TUSC3: variants seen among roughly 807,000 people sequenced by gnomAD.
TUSC3 encodes the protein tumor suppressor candidate 3, also known as dolichyl-diphosphooligosaccharide--protein glycosyltransferase subunit TUSC3.
A neutral mutation model predicts 44.8 loss-of-function variants in TUSC3; 45 were observed. That is an observed-to-expected ratio of 1.00 (90% confidence interval 0.79 to 1.29). TUSC3 has a LOEUF of 1.29. Among genes scored for constraint, TUSC3 ranks in the 50% most tolerant of loss-of-function variants. The pLI is 0.00. For missense variants in TUSC3, 519 were observed against 437.9 expected, an observed-to-expected ratio of 1.19 and a Z score of -1.65; for synonymous variants, 212 against 152.9, an observed-to-expected ratio of 1.39 and a Z score of -2.85.
chr8:15,477,310 A>G (rs545022125), intron 1 of TUSC3, among the ~76,000 whole-genome samples: 4 of 152,170 alleles, frequency 2.6e-5, no homozygotes, highest in Admixed American at 6.6e-5. Context: ...ATAGAGTCTC[A>G]AGAAACTTTG....
chr8:15,517,532 A>AAAAAAC (rs1801235254), intron 2 of TUSC3, among the ~76,000 whole-genome samples: 1 of 61,744 alleles, frequency 1.6e-5, no homozygotes, highest in Non-Finnish European at 5.8e-5. Flanking sequence ...CAAAAAAAAA[A>AAAAAAC]AAAAAAAAAA....
chr8:15,797,313 A>G, the TUSC3 span, among the ~76,000 whole-genome samples: 2 of 152,196 alleles, frequency 1.3e-5, no homozygotes, highest in Non-Finnish European at 2.9e-5. Context: ...TCTGTCTCCA[A>G]TTCCTAAAGA....
At chr8:15,786,887 T>A in the TUSC3 span, among the ~76,000 whole-genome samples, 18 of 134,416 alleles carry the variant, frequency 1.3e-4, no homozygotes, top group Non-Finnish European at 2.0e-4. Context: ...GAGGTTGCAG[T>A]GAGCCGAGAT....
At chr8:15,637,335 A>G (rs1256297820) in intron 2 of TUSC3, among the ~76,000 whole-genome samples, 1 of 152,170 alleles carries the variant, frequency 6.6e-6, no homozygotes, top group Non-Finnish European at 1.5e-5. Flanking sequence ...AAGACTTTGT[A>G]ATACAGACTT....
intron 1 of TUSC3, among the ~76,000 whole-genome samples, chr8:15,607,785 G>T (rs1804596467): frequency 6.6e-6 from 1 of 152,028 alleles, no homozygotes; most frequent in Non-Finnish European, 1.5e-5. Context: ...GCAGCACTGT[G>T]TTTCAGTTAA....
the TUSC3 span, among the ~76,000 whole-genome samples, chr8:15,784,191 A>T: frequency 2.6e-5 from 4 of 152,284 alleles, no homozygotes; most frequent in South Asian, 4.1e-4. Context: ...AAACAATGAA[A>T]AAGTAAGTGA....
intron 1 of TUSC3, among the ~76,000 whole-genome samples, chr8:15,601,317 G>A (rs749439157): frequency 2.0e-5 from 3 of 151,590 alleles, no homozygotes; most frequent in Non-Finnish European, 3.0e-5. Context: ...TCCTCAAACT[G>A]TTCTGTGACC....
intron 10 of TUSC3, among the ~76,000 whole-genome samples, chr8:15,759,872 C>T (rs1184347802): frequency 1.3e-5 from 2 of 152,098 alleles, no homozygotes; most frequent in Non-Finnish European, 1.5e-5. Context: ...CACCCCTTTT[C>T]CCCGACACTG....
intron 6 of TUSC3, among the ~76,000 whole-genome samples, chr8:15,701,160 C>G (rs991602375): frequency 6.6e-6 from 1 of 152,034 alleles, no homozygotes; most frequent in African/African-American, 2.4e-5. Context: ...ATACACAGAT[C>G]TTAAATGCCT....
chr8:15,433,185 T>C (rs1799898404), intron 1 of TUSC3, among the ~76,000 whole-genome samples: 1 of 152,140 alleles, frequency 6.6e-6, no homozygotes, highest in Middle Eastern at 3.2e-3. Context: ...GGTACCCAAG[T>C]AACTTCTTTC....
At chr8:15,672,594 T>A (rs1385987954) in intron 5 of TUSC3, among the ~76,000 whole-genome samples, 1 of 152,060 alleles carries the variant, frequency 6.6e-6, no homozygotes, top group Non-Finnish European at 1.5e-5. Context: ...CTAGGCAAGG[T>A]ACTTTAAACA....
chr8:15,829,287 G>T, the TUSC3 span, among the ~76,000 whole-genome samples: 1 of 152,120 alleles, frequency 6.6e-6, no homozygotes, highest in Non-Finnish European at 1.5e-5. Flanking sequence ...ATAAACGTTT[G>T]ATAAAGTTTT....
chr8:15,781,599 A>G, the TUSC3 span, among the ~76,000 whole-genome samples: 3 of 152,172 alleles, frequency 2.0e-5, no homozygotes, highest in Non-Finnish European at 2.9e-5. Context: ...AGAAAGAAAA[A>G]AAGAAAATGG....
At chr8:15,790,688 T>G in the TUSC3 span, among the ~76,000 whole-genome samples, 2 of 152,140 alleles carry the variant, frequency 1.3e-5, no homozygotes, top group African/African-American at 2.4e-5. Flanking sequence ...GGTGCAATGT[T>G]TAGTGATAGT....
At chr8:15,721,103 T>C (rs1302912122) in intron 6 of TUSC3, among the ~76,000 whole-genome samples, 2 of 152,126 alleles carry the variant, frequency 1.3e-5, no homozygotes, top group Admixed American at 6.6e-5. Context: ...TTATAGACTT[T>C]GCTTGATAAT....
chr8:15,710,167 T>G (rs895255045), intron 6 of TUSC3, among the ~76,000 whole-genome samples: 1 of 151,834 alleles, frequency 6.6e-6, no homozygotes, highest in Non-Finnish European at 1.5e-5. Context: ...GTCTGGAGGC[T>G]AGAATCATCC....
At chr8:15,766,787 A>G (rs553720418), downstream of TUSC3, 16 of 152,220 alleles carry the variant, frequency 1.1e-4, no homozygotes, top group African/African-American at 2.6e-4. Flanking sequence ...CTTTCTTGCT[A>G]TCACCTAAGC....
chr8:15,843,613 T>TAC, the TUSC3 span, among the ~76,000 whole-genome samples: 1 of 143,220 alleles, frequency 7.0e-6, no homozygotes, highest in African/African-American at 2.9e-5. Context: ...TATATATATA[T>TAC]ATATATATAC....
intron 2 of TUSC3, among the ~76,000 whole-genome samples, chr8:15,500,393 C>T (rs1445787877): frequency 6.6e-6 from 1 of 152,146 alleles, no homozygotes; most frequent in African/African-American, 2.4e-5. Context: ...AGACTATTTT[C>T]CCTCTATAGT....
Sources: allele counts gnomAD v4.1 joint callset (sites outside exome capture counted in the v4.1 genomes callset), GRCh38; gene constraint gnomAD v4.1.1; transcripts MANE v1.5; gene names NCBI Gene and HGNC (gene_info 2026-07-23, HGNC 2026-07-21).